Variants in KCND2 observed in about 807,000 individuals in gnomAD.
KCND2 encodes the protein potassium voltage-gated channel subfamily D member 2, also known as A-type voltage-gated potassium channel KCND2.
In KCND2, 16 loss-of-function variants were observed where a neutral mutation model predicts 54.4. That is an observed-to-expected ratio of 0.29 (90% confidence interval 0.20 to 0.45). The LOEUF (loss-of-function observed/expected upper bound fraction) is 0.45, where lower values mean the gene tolerates loss of function less well. KCND2 is among the 20% of genes least tolerant of loss of function. KCND2 has a pLI of 1.00. For missense variants in KCND2, 486 were observed against 824.2 expected (o/e 0.59, Z 5.02); for synonymous variants, 317 against 310.7 (o/e 1.02, Z -0.21).
intron 1 of KCND2, among the ~76,000 whole-genome samples, chr7:120,283,979 CT>C (rs1799302169): frequency 6.6e-6 from 1 of 151,962 alleles, no homozygotes; most frequent in Non-Finnish European, 1.5e-5. Flanking sequence ...AGAAGCAATG[CT>C]TTGATAAGAA....
At chr7:120,461,158 C>T (rs1324735814) in intron 1 of KCND2, among the ~76,000 whole-genome samples, 1 of 152,042 alleles carries the variant, frequency 6.6e-6, no homozygotes, top group African/African-American at 2.4e-5. Context: ...GTACCTTTGC[C>T]CCGAGCACCC....
In KCND2 at chr7:120,463,696, G is replaced by A. The variant is rs146332361; in HGVS notation, c.1115+187949G>A. Among the ~76,000 whole-genome samples the A allele has an allele frequency of 1.9e-3, 289 of 152,140 alleles. 1 individual carries two copies. Among genetic ancestry groups the A allele is most frequent in the East Asian group, 6.2e-3 (32 of 5,152 alleles). On this transcript the variant is annotated intron_variant, in intron 1 of 5. Transcript: ENST00000331113. Reference sequence around the variant, plus strand: ...AGAAGCAAAGGAGGCATCTTTGATCGCCACATCTTTTACCATTTATATCTT... The same window carrying A: ...AGAAGCAAAGGAGGCATCTTTGATCACCACATCTTTTACCATTTATATCTT...
intron 1 of KCND2, among the ~76,000 whole-genome samples, chr7:120,314,345 A>G (rs544687428): frequency 5.3e-5 from 8 of 152,148 alleles, no homozygotes; most frequent in African/African-American, 1.7e-4. Flanking sequence ...AAAAAAAAAA[A>G]AATGCATTTT....
chr7:120,720,352 A>ATCTGCT (rs1394197202), intron 1 of KCND2, among the ~76,000 whole-genome samples: 1 of 152,146 alleles, frequency 6.6e-6, no homozygotes, highest in African/African-American at 2.4e-5. Context: ...ACAGCTCTGC[A>ATCTGCT]TCTGCTTCAT....
intron 2 of KCND2, among the ~76,000 whole-genome samples, chr7:120,738,755 T>C (rs1648735353): frequency 6.6e-6 from 1 of 152,036 alleles, no homozygotes; most frequent in Non-Finnish European, 1.5e-5. Context: ...CCCAATTACA[T>C]AATTGGTGCT....
intron 1 of KCND2, among the ~76,000 whole-genome samples, chr7:120,303,572 T>G (rs775985671): frequency 6.6e-6 from 1 of 152,154 alleles, no homozygotes; most frequent in African/African-American, 2.4e-5. Context: ...AAGACAAAAT[T>G]TTTACTTCAG....
At chr7:120,303,386 A>G (rs1354632665) in intron 1 of KCND2, among the ~76,000 whole-genome samples, 1 of 152,182 alleles carries the variant, frequency 6.6e-6, no homozygotes, top group Non-Finnish European at 1.5e-5. Context: ...AGACAGAGCT[A>G]TTATTTCTCT....
intron 1 of KCND2, among the ~76,000 whole-genome samples, chr7:120,278,491 C>T (rs1049472264): frequency 1.8e-4 from 27 of 151,074 alleles, no homozygotes; most frequent in Non-Finnish European, 2.7e-4. Flanking sequence ...TGATTGTAAA[C>T]AGTGGTTATT....
At chr7:120,371,347 T>A (rs1800762165) in intron 1 of KCND2, among the ~76,000 whole-genome samples, 1 of 152,076 alleles carries the variant, frequency 6.6e-6, no homozygotes. Context: ...CAGCTGCTAA[T>A]CTGCTGACAT....
chr7:120,366,365 T>A (rs73431971), intron 1 of KCND2, among the ~76,000 whole-genome samples: 2,057 of 151,522 alleles, frequency 0.014, 48 homozygotes, highest in African/African-American at 0.044. Flanking sequence ...CATGCCTGTA[T>A]TCTCAGCTGC....
At chr7:120,594,976 C>T (rs941155791) in intron 1 of KCND2, among the ~76,000 whole-genome samples, 1 of 150,842 alleles carries the variant, frequency 6.6e-6, no homozygotes, top group African/African-American at 2.4e-5. Context: ...GCCGAGATCG[C>T]GCCACTGCAC....
chr7:120,611,066 G>T (rs1792948252), intron 1 of KCND2, among the ~76,000 whole-genome samples: 1 of 152,126 alleles, frequency 6.6e-6, no homozygotes, highest in South Asian at 2.1e-4. Flanking sequence ...ATTGCTTACT[G>T]AATGCAGTGT....
chr7:120,742,229 C>A, intron 3 of KCND2: 1 of 396,668 alleles, frequency 2.5e-6, no homozygotes, highest in Non-Finnish European at 4.7e-6. Flanking sequence ...CAAAACATAA[C>A]AGATTCCCAT....
At chr7:120,292,218 G>A (rs774204767) in intron 1 of KCND2, among the ~76,000 whole-genome samples, 3 of 151,716 alleles carry the variant, frequency 2.0e-5, no homozygotes, top group Non-Finnish European at 2.9e-5. Flanking sequence ...TTTAACCACT[G>A]TAAATGTCCT....
At chr7:120,363,912 C>T (rs1156823748) in intron 1 of KCND2, among the ~76,000 whole-genome samples, 1 of 152,082 alleles carries the variant, frequency 6.6e-6, no homozygotes, top group Non-Finnish European at 1.5e-5. Context: ...TCCTGGAACA[C>T]AGGAGAGGCC....
chr7:120,325,854 T>C (rs539846850), intron 1 of KCND2, among the ~76,000 whole-genome samples: 1 of 152,058 alleles, frequency 6.6e-6, no homozygotes, highest in Non-Finnish European at 1.5e-5. Flanking sequence ...GGGGTCAAAC[T>C]TGGGTCCTAA....
chr7:120,315,413 G>A (rs886287198), intron 1 of KCND2, among the ~76,000 whole-genome samples: 4 of 152,014 alleles, frequency 2.6e-5, no homozygotes, highest in African/African-American at 9.7e-5. Flanking sequence ...AAGCCCTAAG[G>A]GTATCTTTAG....
intron 5 of KCND2, among the ~76,000 whole-genome samples, chr7:120,747,080 C>A (rs1285584773): frequency 6.6e-6 from 1 of 152,058 alleles, no homozygotes; most frequent in African/African-American, 2.4e-5. Context: ...CAGTTTCAAG[C>A]TTCTGTGTAT....
chr7:120,597,715 C>T (rs1356194652), intron 1 of KCND2, among the ~76,000 whole-genome samples: 1 of 152,072 alleles, frequency 6.6e-6, no homozygotes, highest in Non-Finnish European at 1.5e-5. Flanking sequence ...TAAGTGATTC[C>T]CATCCTAAAG....
Sources: gnomAD v4.1 joint callset for allele counts (sites outside exome capture counted in the v4.1 genomes callset) on GRCh38, gnomAD v4.1.1 for gene constraint, MANE v1.5 for transcripts, NCBI Gene and HGNC (gene_info 2026-07-23, HGNC 2026-07-21) for gene names.